ZNF107: variants seen among roughly 807,000 people sequenced by gnomAD.
ZNF107 encodes the protein zinc finger protein 107.
ZNF107 carries 19 observed loss-of-function variants against 12.3 expected under a neutral mutation model. The ratio of observed to expected loss-of-function variants is 1.55; its 90% CI spans 1.08 to 2.27. The LOEUF (loss-of-function observed/expected upper bound fraction) is 2.27. Among genes scored for constraint, ZNF107 ranks in the 30% most tolerant of loss-of-function variants. The pLI is 0.00. For missense variants in ZNF107, 958 were observed against 979.9 expected (o/e 0.98, Z 0.30); for synonymous variants, 317 against 330.5 (o/e 0.96, Z 0.44).
chr7:64,666,350 G>T, intron 1 of ZNF107, 65 bp downstream of exon 1: 1 of 1,581,986 alleles, frequency 6.3e-7, no homozygotes, highest in Non-Finnish European at 8.6e-7. Context: ...ATCGGAAGTG[G>T]CTGTGGCTGG....
chr7:64,686,453 ATC>A (rs1470486154), intron 1 of ZNF107: 2 of 944,832 alleles, frequency 2.1e-6, no homozygotes, highest in African/African-American at 1.8e-5. Context: ...CCACCCCAAG[ATC>A]TCTCTCCCAA....
intron 1 of ZNF107, among the ~76,000 whole-genome samples, chr7:64,680,865 C>T (rs955721519): frequency 2.6e-5 from 4 of 152,178 alleles, no homozygotes; most frequent in East Asian, 3.9e-4. Flanking sequence ...TTGCCTCCGC[C>T]GTAAGACGAA....
chr7:64,691,975 A>G lies in ZNF107; in HGVS notation c.226+15A>G, dbSNP rs4718101. 775,816 of 1,465,164 alleles carry G rather than the reference A, an allele frequency of 0.53. 207,132 individuals are homozygous for G. Among genetic ancestry groups the G allele is most frequent in the East Asian group, 0.65 (23,769 of 36,444 alleles). The allele number at this position is 1,465,164 out of a possible 1,614,324, so 90.8% of individuals were successfully genotyped here. On this transcript the variant is annotated intron_variant, in intron 3 of 3. Coordinates refer to ENST00000620827, the MANE Select transcript of ZNF107 (RefSeq NM_001282359.2). ...CAAACCCCCAGGTAGGTGAGAGTGA[A>G]AGTGAATACAACAGATGACAAAGAT...
At chr7:64,680,737 C>G (rs1379564571) in intron 1 of ZNF107, among the ~76,000 whole-genome samples, 7 of 152,176 alleles carry the variant, frequency 4.6e-5, no homozygotes, top group Admixed American at 6.5e-5. Context: ...AAAAAAACTT[C>G]AAAAATTAGA....
intron 1 of ZNF107, among the ~76,000 whole-genome samples, chr7:64,674,517 A>G (rs938391804): frequency 6.6e-6 from 1 of 152,202 alleles, no homozygotes; most frequent in East Asian, 1.9e-4. Context: ...TGTGAGGACT[A>G]TAGGCTTTTC....
chr7:64,691,514 T>C (rs1002889646), intron 2 of ZNF107, 140 bp downstream of exon 2: 1 of 808,958 alleles, frequency 1.2e-6, no homozygotes. Flanking sequence ...TTGAGATTTC[T>C]TTGTGTAGAA....
At chr7:64,692,577 A>G (rs1288153400) in intron 3 of ZNF107, among the ~76,000 whole-genome samples, 1 of 152,176 alleles carries the variant, frequency 6.6e-6, no homozygotes, top group Non-Finnish European at 1.5e-5. Context: ...GAATTTCAAT[A>G]GGGAGTTTAT....
chr7:64,688,045 C>T (rs1789985574), intron 1 of ZNF107, among the ~76,000 whole-genome samples: 1 of 152,106 alleles, frequency 6.6e-6, no homozygotes, highest in South Asian at 2.1e-4. Context: ...GTGTCTCTGT[C>T]TATTTGGTGT....
chr7:64,676,973 G>C (rs1034093365), intron 1 of ZNF107, among the ~76,000 whole-genome samples: 3 of 152,106 alleles, frequency 2.0e-5, no homozygotes, highest in African/African-American at 7.2e-5. Flanking sequence ...ATGAATGACT[G>C]TATTTTTCTA....
rs762002323 is a variant in ZNF107 at position 64,707,973 on chromosome 7, C to A, written c.1876C>A (p.His626Asn). 17 of 1,610,116 alleles carry A rather than the reference C, an allele frequency of 1.1e-5. No homozygotes were observed. The highest frequency in any genetic ancestry group is 1.0e-4 in the Admixed American group (6 of 59,534). Reference sequence around the variant, plus strand: ...AGAGAAACCCTACAAATGTGAAGAACATGGCAAAGTTTTTAACCAGTCCTC... The same window carrying A: ...AGAGAAACCCTACAAATGTGAAGAAAATGGCAAAGTTTTTAACCAGTCCTC... ...TGEKPYKCEE[H>N]GKVFNQSSNL... Residue 626 changes from histidine (H) to asparagine (N), a missense_variant, in exon 4 of 4, where the codon CAT becomes AAT. Coordinates refer to ENST00000620827, the MANE Select transcript of ZNF107 (RefSeq NM_001282359.2).
chr7:64,675,799 A>C (rs1789394566), intron 1 of ZNF107, among the ~76,000 whole-genome samples: 1 of 152,166 alleles, frequency 6.6e-6, no homozygotes, highest in Non-Finnish European at 1.5e-5. Context: ...ATTTGTTCCA[A>C]AGAATTTCTT....
intron 3 of ZNF107, among the ~76,000 whole-genome samples, chr7:64,699,823 C>G (rs939098523): frequency 1.3e-5 from 2 of 152,074 alleles, no homozygotes; most frequent in Non-Finnish European, 2.9e-5. Flanking sequence ...AATCCCAGCA[C>G]TTTGGGAGGC....
intron 1 of ZNF107, among the ~76,000 whole-genome samples, chr7:64,681,548 CCCTT>C (rs1182615971): frequency 6.6e-6 from 1 of 152,064 alleles, no homozygotes; most frequent in Non-Finnish European, 1.5e-5. Flanking sequence ...TCTAACGTCT[CCCTT>C]CCTCAACCCC....
At chr7:64,682,066 C>T (rs539194626) in intron 1 of ZNF107, among the ~76,000 whole-genome samples, 15 of 152,086 alleles carry the variant, frequency 9.9e-5, no homozygotes, top group Non-Finnish European at 1.5e-4. Flanking sequence ...CCCTTGCCTG[C>T]GACCTACTCT....
At position 64,694,600 on chromosome 7, in the gene ZNF107, G is replaced by C. The variant is rs755935253; in HGVS notation, c.226+2640G>C. On this transcript the variant is annotated intron_variant, in intron 3 of 3. Coordinates refer to ENST00000620827, the MANE Select transcript of ZNF107 (RefSeq NM_001282359.2). Reference sequence around the variant, plus strand: ...GAGGCTGGTCTTTAAATCCTGGTCTGAAGCAGTTCTTCAACCTGAATATAC... The same window carrying C: ...GAGGCTGGTCTTTAAATCCTGGTCTCAAGCAGTTCTTCAACCTGAATATAC... Among the ~76,000 whole-genome samples, 133 of 151,298 alleles carry C rather than the reference G, an allele frequency of 8.8e-4. 2 individuals are homozygous for C. The highest frequency in any genetic ancestry group is 4.1e-4 in the Non-Finnish European group (28 of 67,928).
chr7:64,703,555 G>C lies in ZNF107; in HGVS notation c.227-2769G>C, dbSNP rs111394073. Among the ~76,000 whole-genome samples the C allele has an allele frequency of 2.6e-5, 4 of 152,240 alleles. 1 individual carries two copies. Among genetic ancestry groups the C allele is most frequent in the African/African-American group, 7.2e-5 (3 of 41,548 alleles). Reference sequence around the variant, plus strand: ...AGCAATTCTCCTATCTTAGCCTTCTGAGTAGCTGGGATTACAGGCACCCAC... The same window carrying C: ...AGCAATTCTCCTATCTTAGCCTTCTCAGTAGCTGGGATTACAGGCACCCAC... On this transcript the variant is annotated intron_variant, in intron 3 of 3. Transcript: ENST00000620827.
chr7:64,706,087 T>C (rs1790630667), intron 3 of ZNF107, among the ~76,000 whole-genome samples: 2 of 152,166 alleles, frequency 1.3e-5, no homozygotes, highest in African/African-American at 4.8e-5. Context: ...TATGTGGCTC[T>C]TTGCATTGTG....
chr7:64,675,310 C>G (rs1413970875), intron 1 of ZNF107, among the ~76,000 whole-genome samples: 1 of 152,084 alleles, frequency 6.6e-6, no homozygotes, highest in Non-Finnish European at 1.5e-5. Context: ...GATTCAATTT[C>G]TTTTTCTGCT....
At chr7:64,683,582 T>C (rs1171779605) in intron 1 of ZNF107, among the ~76,000 whole-genome samples, 1 of 152,234 alleles carries the variant, frequency 6.6e-6, no homozygotes, top group East Asian at 1.9e-4. Context: ...AAGTTCCTTC[T>C]TCCTGCCTCA....
Sources: gnomAD v4.1 joint callset for allele counts (sites outside exome capture counted in the v4.1 genomes callset) on GRCh38, gnomAD v4.1.1 for gene constraint, MANE v1.5 for transcripts, NCBI Gene and HGNC (gene_info 2026-07-23, HGNC 2026-07-21) for gene names.